The following HPSE2 variants were observed in gnomAD, a reference collection of about 807,000 sequenced individuals.
HPSE2 encodes the protein heparanase 2 (inactive).
Under a neutral mutation model 60.5 loss-of-function variants are expected in HPSE2, and 38 were observed. The observed-to-expected ratio is 0.63, with a 90% CI of 0.48 to 0.82. HPSE2 has a LOEUF of 0.82. Ranked by LOEUF, HPSE2 falls within the 40% of genes least tolerant of loss-of-function variation. The pLI, the probability that HPSE2 is intolerant of heterozygous loss-of-function variation, is 0.00. For missense variants in HPSE2, 713 were observed against 740.4 expected (o/e 0.96, Z 0.43); for synonymous variants, 295 against 293.2 (o/e 1.01, Z -0.06).
chr10:98,542,476 G>C (rs1943505944), intron 9 of HPSE2, among the ~76,000 whole-genome samples: 1 of 152,104 alleles, frequency 6.6e-6, no homozygotes, highest in African/African-American at 2.4e-5. Context: ...AAGCTGGATG[G>C]AGAATGACTT....
chr10:98,717,929 GT>G (rs34918439), intron 5 of HPSE2, among the ~76,000 whole-genome samples: 28,052 of 151,872 alleles, frequency 0.18, 3,007 homozygotes, highest in East Asian at 0.38. Context: ...AGAGGTATAG[GT>G]TTTTCTCTGT....
intron 3 of HPSE2, among the ~76,000 whole-genome samples, chr10:98,851,072 G>A (rs1952162457): frequency 1.3e-5 from 2 of 152,216 alleles, no homozygotes; most frequent in African/African-American, 4.8e-5. Flanking sequence ...CTAACAGTTT[G>A]TATTTTTGAG....
At position 99,084,191 on chromosome 10, in the gene HPSE2, C is replaced by A. The variant is rs143258440; in HGVS notation, c.610+60047G>T. On this transcript the variant is annotated intron_variant, in intron 3 of 11. Transcript: ENST00000370552. ...TCCCTATCCTGAAATAAATGCTAGG[C>A]AGAGTAACGCAGAACGTCAACAGAA... Among the ~76,000 whole-genome samples, 623 of 152,148 alleles carry A rather than the reference C, an allele frequency of 4.1e-3. 6 individuals carry two copies. Among genetic ancestry groups the A allele is most frequent in the African/African-American group, 0.014 (597 of 41,500 alleles).
At chr10:98,638,841 G>A (rs1946566274) in intron 7 of HPSE2, among the ~76,000 whole-genome samples, 1 of 152,126 alleles carries the variant, frequency 6.6e-6, no homozygotes, top group African/African-American at 2.4e-5. Flanking sequence ...CTCACTTAAG[G>A]TAATATCTGG....
At chr10:99,152,432 G>A (rs1846308588) in intron 2 of HPSE2, among the ~76,000 whole-genome samples, 1 of 151,848 alleles carries the variant, frequency 6.6e-6, no homozygotes, top group Non-Finnish European at 1.5e-5. Flanking sequence ...CAGATACACA[G>A]GAAGAAATGA....
chr10:98,860,641 A>G (rs1952435357), intron 3 of HPSE2, among the ~76,000 whole-genome samples: 1 of 152,222 alleles, frequency 6.6e-6, no homozygotes, highest in African/African-American at 2.4e-5. Flanking sequence ...GAGCTAGGAC[A>G]TAAACCCTAG....
chr10:99,280,166 G>A, the HPSE2 span, among the ~76,000 whole-genome samples: 2 of 152,164 alleles, frequency 1.3e-5, no homozygotes, highest in East Asian at 1.9e-4. Flanking sequence ...ATTAGTTTGT[G>A]AATATCACAG....
At chr10:98,484,850 T>C (rs537051690) in intron 10 of HPSE2, among the ~76,000 whole-genome samples, 131 of 152,320 alleles carry the variant, frequency 8.6e-4, no homozygotes, top group African/African-American at 3.0e-3. Context: ...AAAACTATAA[T>C]GATTTCCTTC....
chr10:98,993,171 G>A (rs1956566036), intron 3 of HPSE2, among the ~76,000 whole-genome samples: 1 of 152,156 alleles, frequency 6.6e-6, no homozygotes, highest in Non-Finnish European at 1.5e-5. Flanking sequence ...CATAGAGCAG[G>A]GAGTAACTAT....
chr10:98,670,823 G>T (rs770449374), intron 6 of HPSE2, among the ~76,000 whole-genome samples: 1 of 152,184 alleles, frequency 6.6e-6, no homozygotes, highest in African/African-American at 2.4e-5. Flanking sequence ...AATCAATCAC[G>T]ACCCTTTCAT....
chr10:98,985,862 C>A (rs1265337688), intron 3 of HPSE2, among the ~76,000 whole-genome samples: 1 of 152,114 alleles, frequency 6.6e-6, no homozygotes, highest in African/African-American at 2.4e-5. Context: ...ATAAAACAGA[C>A]TTTAAACCAA....
At chr10:98,504,814 G>A (rs554301287) in intron 9 of HPSE2, among the ~76,000 whole-genome samples, 2 of 149,212 alleles carry the variant, frequency 1.3e-5, no homozygotes, top group East Asian at 3.9e-4. Flanking sequence ...AAAAGCTACC[G>A]TAATACCCAT....
At chr10:99,262,305 G>A in the HPSE2 span, among the ~76,000 whole-genome samples, 1 of 152,078 alleles carries the variant, frequency 6.6e-6, no homozygotes, top group Admixed American at 6.5e-5. Flanking sequence ...ATTCTTTTAT[G>A]CACTCCTTTT....
chr10:98,476,903 T>C (rs556995977), intron 11 of HPSE2, among the ~76,000 whole-genome samples: 2 of 152,216 alleles, frequency 1.3e-5, no homozygotes, highest in Non-Finnish European at 2.9e-5. Context: ...TCTTCAAATA[T>C]ATTCATTCTG....
At chr10:99,235,403 G>A (rs1589854583) in intron 1 of HPSE2, 110 bp downstream of exon 1, 2 of 1,016,176 alleles carry the variant, frequency 2.0e-6, no homozygotes, top group Non-Finnish European at 1.6e-6. Context: ...TTCTCTTTGA[G>A]AGATCTGCTT....
chr10:98,665,370 A>C (rs1156832853), intron 6 of HPSE2, among the ~76,000 whole-genome samples: 1 of 152,230 alleles, frequency 6.6e-6, no homozygotes, highest in African/African-American at 2.4e-5. Context: ...ATTTGAAGAA[A>C]GAGTCCATGA....
At chr10:99,235,942 TCTCTCTCTCC>T, upstream of HPSE2, 1 of 688,392 alleles carries the variant, frequency 1.5e-6, no homozygotes, top group African/African-American at 2.1e-5. Context: ...ACACACACTC[TCTCTCTCTCC>T]CGCTCTCTCT....
intron 3 of HPSE2, among the ~76,000 whole-genome samples, chr10:98,823,517 T>G (rs1394996385): frequency 1.3e-5 from 2 of 152,092 alleles, no homozygotes; most frequent in Non-Finnish European, 2.9e-5. Context: ...TCCCAGCCAC[T>G]CAGGAGGCTG....
chr10:99,258,120 A>C, the HPSE2 span, among the ~76,000 whole-genome samples: 11 of 151,878 alleles, frequency 7.2e-5, no homozygotes, highest in Non-Finnish European at 1.2e-4. Context: ...CAGCCTGGTG[A>C]CTGGAGCCAG....
Sources: gnomAD v4.1 joint callset for allele counts (sites outside exome capture counted in the v4.1 genomes callset) on GRCh38, gnomAD v4.1.1 for gene constraint, MANE v1.5 for transcripts, NCBI Gene and HGNC (gene_info 2026-07-23, HGNC 2026-07-21) for gene names.